LARS2: variants seen among roughly 807,000 people sequenced by gnomAD.
LARS2 encodes the protein leucyl-tRNA synthetase 2, mitochondrial.
In LARS2, 81 loss-of-function variants were observed where a neutral mutation model predicts 116.6. The observed-to-expected ratio is 0.69, with a 90% confidence interval of 0.58 to 0.84. The LOEUF (loss-of-function observed/expected upper bound fraction) is 0.84, where lower values mean the gene tolerates loss of function less well. Ranked by LOEUF, LARS2 falls within the 40% of genes least tolerant of loss-of-function variation. The pLI is 0.00. For missense variants in LARS2, 968 were observed against 1,114.5 expected (o/e 0.87, Z 1.87); for synonymous variants, 396 against 407.2 (o/e 0.97, Z 0.33).
intron 20 of LARS2, among the ~76,000 whole-genome samples, chr3:45,526,321 A>G (rs768749396): frequency 1.3e-5 from 2 of 152,252 alleles, no homozygotes; most frequent in African/African-American, 4.8e-5. Context: ...GATCACTGTC[A>G]TTCCAAATTG....
At chr3:45,437,856 A>G (rs907386674) in intron 6 of LARS2, among the ~76,000 whole-genome samples, 1 of 61,182 alleles carries the variant, frequency 1.6e-5, no homozygotes, top group African/African-American at 3.4e-5. Flanking sequence ...GAAAAAGACA[A>G]AACCCTTTCA....
At chr3:45,520,467 TG>T (rs1193344818) in intron 19 of LARS2, among the ~76,000 whole-genome samples, 171 bp downstream of exon 19, 1 of 152,110 alleles carries the variant, frequency 6.6e-6, no homozygotes, top group Non-Finnish European at 1.5e-5. Flanking sequence ...AGTTTTATGC[TG>T]GAATGTTCTT....
intron 7 of LARS2, among the ~76,000 whole-genome samples, chr3:45,450,139 A>G (rs1025539134): frequency 1.3e-5 from 2 of 152,186 alleles, no homozygotes; most frequent in Non-Finnish European, 2.9e-5. Flanking sequence ...TCATAGTTGT[A>G]CATACTTTAC....
chr3:45,444,370 A>C (rs80137151), intron 6 of LARS2, among the ~76,000 whole-genome samples: 149,514 of 149,514 alleles, frequency 1, 74,757 homozygotes, highest in Non-Finnish European at 1. Context: ...GGAAAAAAAA[A>C]AATGCTGTTT....
At chr3:45,406,405 C>A (rs1044687980) in intron 4 of LARS2, among the ~76,000 whole-genome samples, 13 of 152,150 alleles carry the variant, frequency 8.5e-5, no homozygotes, top group Non-Finnish European at 1.5e-4. Flanking sequence ...AGATTTGGCA[C>A]TTACATGAAT....
intron 18 of LARS2, 108 bp downstream of exon 18, chr3:45,518,180 G>T: frequency 1.3e-6 from 1 of 776,054 alleles, no homozygotes; most frequent in South Asian, 1.8e-5. Context: ...GCCACTGTGG[G>T]TCTTCCTTCC....
rs879312474 is a variant in LARS2, at chr3:45,504,771, GT to G, written c.1760+4203del. On this transcript the variant is annotated intron_variant, in intron 15 of 21. Transcript: ENST00000645846. ...GTGTTTTTTTTGTTTTGTTTTGTTT[GT>G]TTTTTTTTTTAAGAAATTGAGTTTA... Among the ~76,000 whole-genome samples the G allele has an allele frequency of 9.6e-3, 1,389 of 144,422 alleles. 21 individuals are homozygous for G. Among genetic ancestry groups the G allele is most frequent in the Non-Finnish European group, 0.012 (796 of 65,478 alleles). The allele number at this position is 144,422 out of a possible 152,430, so 94.7% of individuals were successfully genotyped here.
At chr3:45,477,410 C>T (rs759198647) in intron 10 of LARS2, among the ~76,000 whole-genome samples, 2 of 152,188 alleles carry the variant, frequency 1.3e-5, no homozygotes, top group African/African-American at 2.4e-5. Flanking sequence ...ACTCTAACAC[C>T]GCCTTCAGTG....
At chr3:45,498,389 C>T (rs1006592264) in intron 14 of LARS2, among the ~76,000 whole-genome samples, 16 of 152,202 alleles carry the variant, frequency 1.1e-4, no homozygotes, top group African/African-American at 2.7e-4. Flanking sequence ...ACTTGTTTTC[C>T]GGCCAAATAC....
At chr3:45,521,414 A>G (rs1402042171) in intron 19 of LARS2, among the ~76,000 whole-genome samples, 1 of 152,214 alleles carries the variant, frequency 6.6e-6, no homozygotes, top group Non-Finnish European at 1.5e-5. Flanking sequence ...CATCCTGGGC[A>G]ACAGAGCAGG....
rs554691399 is a variant in LARS2 at position 45,420,322 on chromosome 3, G to A, written c.516+593G>A. 2.0e-5 allele frequency among the ~76,000 whole-genome samples: 3 copies of A among 152,308 alleles called. No individual in the cohort carries two copies. The South Asian group carries it at 6.2e-4, about 32-fold the overall frequency. On this transcript the variant is annotated intron_variant, in intron 6 of 21. Transcript: ENST00000645846. The stretch of plus-strand genomic sequence containing the variant: ...TGTGAACTGGGCCCTTCAAAGCTGT[G>A]GCCCAAGGCCCACCCTTTAGACTTT...
At chr3:45,466,751 C>G (rs1699431967) in intron 8 of LARS2, among the ~76,000 whole-genome samples, 1 of 152,154 alleles carries the variant, frequency 6.6e-6, no homozygotes, top group African/African-American at 2.4e-5. Flanking sequence ...GAATCTCACT[C>G]TGTCTCCCAG....
intron 12 of LARS2, 142 bp from the exon 13 acceptor site, chr3:45,491,375 C>A: frequency 1.3e-6 from 1 of 775,316 alleles, no homozygotes; most frequent in Non-Finnish European, 2.1e-6. Context: ...GCACCTAGGG[C>A]TCATGAAAGT....
rs547872475 is a variant in LARS2, at chr3:45,547,555, G to A, written c.*25G>A. On this transcript the variant is annotated 3_prime_UTR_variant, in exon 22 of 22. Coordinates refer to ENST00000645846, the MANE Select transcript of LARS2 (RefSeq NM_015340.4). ...ACAGCCAGGAGGCTGCAGCTACCAC[G>A]AGGGCCTCTGAGGAACCTCCTTCCA... is the stretch of plus-strand genomic sequence containing the variant. The A allele has an allele frequency of 2.5e-6, 4 of 1,571,982 alleles. No homozygotes were observed. Among genetic ancestry groups the A allele is most frequent in the East Asian group, 4.5e-5 (2 of 44,366 alleles).
intron 14 of LARS2, among the ~76,000 whole-genome samples, chr3:45,498,408 ACTTTC>A (rs1700055435): frequency 6.6e-6 from 1 of 151,964 alleles, no homozygotes; most frequent in African/African-American, 2.4e-5. Flanking sequence ...ACCATCCTTC[ACTTTC>A]CTTTCTTTTC....
rs55850440 is a variant in LARS2, at chr3:45,503,499, C to A, written c.1760+2920C>A. Among the ~76,000 whole-genome samples, 259 of 152,160 alleles carry A rather than the reference C, an allele frequency of 1.7e-3. 1 individual carries two copies. Among genetic ancestry groups the A allele is most frequent in the African/African-American group, 6.0e-3 (249 of 41,564 alleles). ...TGATCACAGGGGTTCTATAGCTATG[C>A]CCAGGGTGGAAGCTGGCTTCAGTAA... On this transcript the variant is annotated intron_variant, in intron 15 of 21. Coordinates refer to ENST00000645846, the MANE Select transcript of LARS2 (RefSeq NM_015340.4).
rs1461273484 is a variant in LARS2, at chr3:45,451,934, A to G, written c.606+4954A>G. Among the ~76,000 whole-genome samples, 3 of 152,138 alleles carry G rather than the reference A, an allele frequency of 2.0e-5. No individual in the cohort carries two copies. In the East Asian group the frequency reaches 5.8e-4, roughly 29 times the overall value. On this transcript the variant is annotated intron_variant, in intron 7 of 21. Coordinates refer to ENST00000645846, the MANE Select transcript of LARS2 (RefSeq NM_015340.4). Reference sequence around the variant, plus strand: ...TTTAACCTTGCTTAAATTTACTCCTAGGTATTTTATTTGTAACTCTTATAA... The same window carrying G: ...TTTAACCTTGCTTAAATTTACTCCTGGGTATTTTATTTGTAACTCTTATAA...
At chr3:45,478,287 AG>A (rs2125721235) in intron 10 of LARS2, among the ~76,000 whole-genome samples, 1 of 152,338 alleles carries the variant, frequency 6.6e-6, no homozygotes, top group Admixed American at 6.5e-5. Flanking sequence ...ATATTCCTTG[AG>A]GGCTATGGTG....
At chr3:45,413,252 A>G (rs55705615) in intron 4 of LARS2, among the ~76,000 whole-genome samples, 4,119 of 152,286 alleles carry the variant, frequency 0.027, 182 homozygotes, top group African/African-American at 0.093. Context: ...TCAGAAAGCA[A>G]CTATGTTAAA....
Sources: gnomAD v4.1 joint callset for allele counts (sites outside exome capture counted in the v4.1 genomes callset) on GRCh38, gnomAD v4.1.1 for gene constraint, MANE v1.5 for transcripts, NCBI Gene and HGNC (gene_info 2026-07-23, HGNC 2026-07-21) for gene names.